The following LMX1B variants were observed in gnomAD, a reference collection of about 807,000 sequenced individuals.
The protein encoded by LMX1B is LIM homeobox transcription factor 1-beta.
In LMX1B, 12 loss-of-function variants were observed where a neutral mutation model predicts 51.4. The observed-to-expected ratio is 0.23, with a 90% CI of 0.15 to 0.38. The LOEUF (loss-of-function observed/expected upper bound fraction) is 0.38, where lower values mean the gene tolerates loss of function less well. Ranked by LOEUF, LMX1B falls within the 10% of genes least tolerant of loss-of-function variation. LMX1B has a pLI of 1.00. For synonymous variants in LMX1B, 237 were observed against 235.4 expected (o/e 1.01, Z -0.06); for missense variants, 445 against 571.1 (o/e 0.78, Z 2.25).
chr9:126,644,247 G>C (rs1038331636), intron 2 of LMX1B, among the ~76,000 whole-genome samples: 1 of 152,184 alleles, frequency 6.6e-6, no homozygotes, highest in East Asian at 1.9e-4. Context: ...GCAGCTGTCA[G>C]GATTAAAGAA....
At chr9:126,682,890 G>A (rs1470630940) in intron 2 of LMX1B, among the ~76,000 whole-genome samples, 1 of 93,168 alleles carries the variant, frequency 1.1e-5, no homozygotes, top group Non-Finnish European at 2.2e-5. Flanking sequence ...GAGGCACTCT[G>A]TCTGAAAAAA....
chr9:126,628,788 A>T (rs1336652708), intron 2 of LMX1B, among the ~76,000 whole-genome samples: 3 of 151,964 alleles, frequency 2.0e-5, no homozygotes. Context: ...GCTGTTCATT[A>T]TTTTTGCCAT....
intron 7 of LMX1B, 26 bp downstream of exon 7, chr9:126,696,029 C>T (rs370270617): frequency 8.0e-5 from 118 of 1,481,686 alleles, no homozygotes; most frequent in Admixed American, 1.7e-4. Flanking sequence ...CCCACCCGCC[C>T]GCCCCAGCAC....
At chr9:126,686,749 C>T (rs999388812) in intron 2 of LMX1B, among the ~76,000 whole-genome samples, 4 of 152,180 alleles carry the variant, frequency 2.6e-5, no homozygotes, top group Non-Finnish European at 4.4e-5. Flanking sequence ...GGTGATGCTG[C>T]CGTGTGACCT....
At chr9:126,649,749 C>T (rs2118898790) in intron 2 of LMX1B, among the ~76,000 whole-genome samples, 1 of 152,344 alleles carries the variant, frequency 6.6e-6, no homozygotes, top group South Asian at 2.1e-4. Flanking sequence ...ATCTCAGCCT[C>T]CCAAGTAGCT....
At chr9:126,666,413 T>C (rs1836343140) in intron 2 of LMX1B, among the ~76,000 whole-genome samples, 2 of 152,072 alleles carry the variant, frequency 1.3e-5, no homozygotes, top group African/African-American at 4.8e-5. Context: ...CTGATGGGAT[T>C]AGGGAGAGCC....
chr9:126,624,534 G>A (rs1057239070), intron 2 of LMX1B, among the ~76,000 whole-genome samples: 1 of 152,214 alleles, frequency 6.6e-6, no homozygotes, highest in Admixed American at 6.5e-5. Flanking sequence ...AACGTGCGAA[G>A]TCCCTCAGCT....
In LMX1B at chr9:126,693,192, A is replaced by C. The variant is rs1313425997; in HGVS notation, c.610A>C (p.Ser204Arg). Residue 204 changes from serine to arginine, a missense_variant, in exon 4 of 8, where the codon AGT (serine) becomes CGT (arginine). Transcript: ENST00000373474. ...GDMKPAKGQGSQSKGSGDDGK... is the reference protein window; with the variant it reads ...GDMKPAKGQGRQSKGSGDDGK... ...CATGAAGCCGGCCAAGGGGCAGGGC[A>C]GTCAGAGCAAGGGCAGCGGGGATGA... is the stretch of plus-strand genomic sequence containing the variant. 2 of 1,604,998 alleles carry C rather than the reference A, an allele frequency of 1.2e-6. No individual in the cohort carries two copies. The highest frequency in any genetic ancestry group is 1.7e-6 in the Non-Finnish European group (2 of 1,176,260).
chr9:126,631,716 C>T (rs1263575528), intron 2 of LMX1B, among the ~76,000 whole-genome samples: 3 of 152,212 alleles, frequency 2.0e-5, no homozygotes, highest in African/African-American at 4.8e-5. Flanking sequence ...GATTTTTCAC[C>T]AGTGCTTTGG....
Position 126,664,917 on chromosome 9 carries a change from C to T in LMX1B, c.327-25919C>T, listed in dbSNP as rs544021545. 3.3e-5 allele frequency among the ~76,000 whole-genome samples: 5 copies of T among 152,274 alleles called. 1 individual carries two copies. The East Asian group carries it at 9.7e-4, about 29-fold the overall frequency. Reference sequence around the variant, plus strand: ...ACACGTTGTGCAAGTATTTCCTGACCTTGACCAAAGTAATTCAGCTTCCTG... The same window carrying T: ...ACACGTTGTGCAAGTATTTCCTGACTTTGACCAAAGTAATTCAGCTTCCTG... On this transcript the variant is annotated intron_variant, in intron 2 of 7. Coordinates refer to ENST00000373474, the MANE Select transcript of LMX1B (RefSeq NM_001174147.2).
chr9:126,691,023 GAGA>G lies in LMX1B; in HGVS notation c.517_519del (p.Lys173del). 6.2e-7 allele frequency: 1 copy of G among 1,613,898 alleles called. No individual in the cohort carries two copies. Among genetic ancestry groups the G allele is most frequent in the South Asian group, 1.1e-5 (1 of 91,022 alleles). On this transcript the variant is annotated inframe_deletion, in exon 3 of 8. Transcript: ENST00000373474. ...GCTGTGCAAGGGTGACTACGAGAAG[GAGA>G]AGGACCTGCTCAGCTCCGTGAGCCC...
At chr9:126,670,150 G>A (rs1289806275) in intron 2 of LMX1B, among the ~76,000 whole-genome samples, 1 of 152,172 alleles carries the variant, frequency 6.6e-6, no homozygotes, top group African/African-American at 2.4e-5. Flanking sequence ...TACCAGCTGG[G>A]CCCCCAGAGC....
intron 2 of LMX1B, among the ~76,000 whole-genome samples, chr9:126,653,611 A>G (rs1209784135): frequency 6.6e-6 from 1 of 152,180 alleles, no homozygotes; most frequent in African/African-American, 2.4e-5. Context: ...CACAGTGCCG[A>G]CTGCACTTAG....
At chr9:126,633,048 C>T (rs1376547837) in intron 2 of LMX1B, among the ~76,000 whole-genome samples, 1 of 152,192 alleles carries the variant, frequency 6.6e-6, no homozygotes, top group Non-Finnish European at 1.5e-5. Flanking sequence ...TGGTGGTTGC[C>T]CAGGAGGCGT....
At chr9:126,657,490 G>A (rs1446657173) in intron 2 of LMX1B, among the ~76,000 whole-genome samples, 6 of 152,156 alleles carry the variant, frequency 3.9e-5, no homozygotes, top group Non-Finnish European at 5.9e-5. Flanking sequence ...TTATCCTTGG[G>A]AGCAGGGGAT....
rs915329575 is a variant in LMX1B, at chr9:126,671,972, C to T, written c.327-18864C>T. 1.3e-5 allele frequency among the ~76,000 whole-genome samples: 2 copies of T among 152,270 alleles called. No individual in the cohort carries two copies. Among genetic ancestry groups the T allele is most frequent in the Non-Finnish European group, 2.9e-5 (2 of 68,052 alleles). On this transcript the variant is annotated intron_variant, in intron 2 of 7. Transcript: ENST00000373474. The surrounding 1 kb of genome is among the most constrained non-coding windows in gnomAD (Gnocchi z 4.4). Reference sequence around the variant, plus strand: ...TTCATCTTCCTTATTAAAAACCAGCCTTGATGCTCCCGAGCCCCAGCTGTG... The same window carrying T: ...TTCATCTTCCTTATTAAAAACCAGCTTTGATGCTCCCGAGCCCCAGCTGTG...
At chr9:126,632,682 G>T (rs1341499257) in intron 2 of LMX1B, among the ~76,000 whole-genome samples, 1 of 152,176 alleles carries the variant, frequency 6.6e-6, no homozygotes, top group Non-Finnish European at 1.5e-5. Context: ...CACAGGGAGG[G>T]TCACAGAGGC....
intron 2 of LMX1B, among the ~76,000 whole-genome samples, chr9:126,667,905 C>T (rs1836373769): frequency 6.6e-6 from 1 of 152,156 alleles, no homozygotes; most frequent in Non-Finnish European, 1.5e-5. Context: ...ATGAACGAGA[C>T]ACTCGGGTCT....
chr9:126,677,572 G>A lies in LMX1B; in HGVS notation c.327-13264G>A, dbSNP rs1836586618. ...GTGGTTACCAGCCCAGCTGACCTGG[G>A]GCCCCAGCTCTGCATTTCACCAGCC... On this transcript the variant is annotated intron_variant, in intron 2 of 7. Transcript: ENST00000373474. This position sits in a 1 kb window ranked among gnomAD's most constrained non-coding sequence, Gnocchi z 5.0. 1.3e-5 allele frequency among the ~76,000 whole-genome samples: 2 copies of A among 152,118 alleles called. No homozygotes were observed. Among genetic ancestry groups the A allele is most frequent in the Non-Finnish European group, 2.9e-5 (2 of 68,022 alleles).
Sources: allele counts gnomAD v4.1 joint callset (sites outside exome capture counted in the v4.1 genomes callset), GRCh38; gene constraint gnomAD v4.1.1; non-coding constraint Gnocchi (gnomAD v3.1); transcripts MANE v1.5; gene names NCBI Gene and HGNC (gene_info 2026-07-23, HGNC 2026-07-21).